The following STPG4 variants were observed in gnomAD, a reference collection of about 807,000 sequenced individuals.
STPG4 encodes protein STPG4.
Under a neutral mutation model 31.5 loss-of-function variants are expected in STPG4, and 41 were observed. The ratio of observed to expected loss-of-function variants is 1.30; its 90% CI spans 1.01 to 1.69. STPG4 has a LOEUF of 1.69. Among genes scored for constraint, STPG4 ranks in the 40% most tolerant of loss-of-function variants. The pLI is 0.00. For missense variants in STPG4, 375 were observed against 293.4 expected (o/e 1.28, Z -2.03); for synonymous variants, 141 against 103.0 (o/e 1.37, Z -2.24).
At position 47,151,401 on chromosome 2, in the gene STPG4, C is replaced by A. The variant is rs1381967158; in HGVS notation, c.256G>T (p.Val86Leu). The change falls in exon 3 of 7, where the codon GTG (valine) becomes TTG (leucine). Residue 86 changes from valine (V) to leucine (L), a missense_variant. By Grantham distance (32) the Val-to-Leu change is conservative. Transcript: ENST00000445927. ...TTTAGGACTGGATTGTTTCTTTGCA[C>A]AAGAGGTGGCTTTTTCCTTCCTTCG... ...KNEGRKKPPL[V>L]QRNNPVLNDL... 1 of 1,614,066 alleles carries A rather than the reference C, an allele frequency of 6.2e-7. No homozygotes were observed. The highest frequency in any genetic ancestry group is 1.3e-5 in the African/African-American group (1 of 74,922).
chr2:47,104,275 C>T (rs2347614), intron 5 of STPG4, among the ~76,000 whole-genome samples: 61,336 of 151,864 alleles, frequency 0.4, 14,895 homozygotes, highest in East Asian at 0.76. Context: ...GCATGAAGCT[C>T]ATAAAGGATT....
At chr2:47,107,658 A>G (rs1313433730) in intron 5 of STPG4, among the ~76,000 whole-genome samples, 1 of 152,144 alleles carries the variant, frequency 6.6e-6, no homozygotes, top group Non-Finnish European at 1.5e-5. Flanking sequence ...AGGGCTGAGG[A>G]GTGCGGGCAC....
At chr2:47,099,581 A>G (rs1404305825) in intron 5 of STPG4, among the ~76,000 whole-genome samples, 2 of 152,262 alleles carry the variant, frequency 1.3e-5, no homozygotes, top group Non-Finnish European at 2.9e-5. Context: ...CAGTCCTCAG[A>G]GCCCTCGCTC....
chr2:47,142,633 C>T (rs1686738102), intron 3 of STPG4, among the ~76,000 whole-genome samples: 1 of 152,104 alleles, frequency 6.6e-6, no homozygotes, highest in African/African-American at 2.4e-5. Flanking sequence ...CTAACCTCTA[C>T]TTTCCAAATG....
rs563484412 is a variant in STPG4 at position 47,099,739 on chromosome 2, C to T, written c.520-9365G>A. The stretch of plus-strand genomic sequence containing the variant: ...TTGCAGAGAGGTGTGGAGGGAGAGG[C>T]GCGAGTGGGAACCGGGGCTGCGCGT... On this transcript the variant is annotated intron_variant, in intron 5 of 6. Coordinates refer to ENST00000445927, the MANE Select transcript of STPG4 (RefSeq NM_001163561.2). Among the ~76,000 whole-genome samples, 9 of 152,334 alleles carry T rather than the reference C, an allele frequency of 5.9e-5. No homozygotes were observed. In the East Asian group the frequency reaches 1.4e-3, roughly 23 times the overall value.
chr2:47,152,242 G>C (rs1457140653), intron 2 of STPG4, among the ~76,000 whole-genome samples: 1 of 152,130 alleles, frequency 6.6e-6, no homozygotes, highest in Non-Finnish European at 1.5e-5. Flanking sequence ...GAAGCTGAAG[G>C]ATAATGACAT....
chr2:47,147,823 T>C (rs1010872489), intron 3 of STPG4, among the ~76,000 whole-genome samples: 1 of 152,194 alleles, frequency 6.6e-6, no homozygotes, highest in Non-Finnish European at 1.5e-5. Flanking sequence ...AATGTGAATA[T>C]ACTATTTATC....
At chr2:47,102,754 C>A (rs1685826635) in intron 5 of STPG4, among the ~76,000 whole-genome samples, 1 of 151,796 alleles carries the variant, frequency 6.6e-6, no homozygotes, top group Non-Finnish European at 1.5e-5. Context: ...TCGGTTATGT[C>A]CCCTTCAAGC....
chr2:47,097,452 G>A (rs1241733621), intron 5 of STPG4, among the ~76,000 whole-genome samples: 2 of 152,118 alleles, frequency 1.3e-5, no homozygotes, highest in Non-Finnish European at 2.9e-5. Context: ...GGGCCTTTGG[G>A]AGGTGATTAT....
At chr2:47,125,737 T>TA (rs1553427140) in intron 5 of STPG4, among the ~76,000 whole-genome samples, 1 of 151,880 alleles carries the variant, frequency 6.6e-6, no homozygotes, top group Admixed American at 6.6e-5. Context: ...TTTTTTTTTT[T>TA]AACTAGAGAC....
chr2:47,100,244 T>A (rs969765696), intron 5 of STPG4, among the ~76,000 whole-genome samples: 1 of 151,904 alleles, frequency 6.6e-6, no homozygotes, highest in Non-Finnish European at 1.5e-5. Flanking sequence ...TCAGGGATTG[T>A]AAATACACCA....
chr2:47,094,128 T>C (rs994548621), intron 5 of STPG4, among the ~76,000 whole-genome samples: 12 of 152,208 alleles, frequency 7.9e-5, no homozygotes, highest in African/African-American at 2.9e-4. Context: ...GGTCTCACAT[T>C]GTGTATGATA....
intron 5 of STPG4, among the ~76,000 whole-genome samples, chr2:47,091,838 A>G (rs1186464168): frequency 6.6e-6 from 1 of 152,100 alleles, no homozygotes; most frequent in East Asian, 1.9e-4. Flanking sequence ...AATGTGTGCA[A>G]ATATTTAGCC....
At chr2:47,115,675 C>T (rs148550090) in intron 5 of STPG4, among the ~76,000 whole-genome samples, 1,808 of 99,264 alleles carry the variant, frequency 0.018, 48 homozygotes, top group African/African-American at 0.062. Flanking sequence ...TTTTTTGAGA[C>T]AGAGTCTCGC....
rs1430919898 is a variant in STPG4 at position 47,151,296 on chromosome 2, G to C, written c.361C>G (p.Pro121Ala). Residue 121 changes from proline (P) to alanine (A), a missense_variant, in exon 3 of 7, where the codon CCA (proline) becomes GCA (alanine). Pro to Ala is a conservative substitution (Grantham distance 27, BLOSUM62 -1). Transcript: ENST00000445927. Reference sequence around the variant, plus strand: ...ACTAGTGTGCTGGGGCTTGGCCGTGGTTTGTCTTTGAATGAGTAAGTAGCC... The same window carrying C: ...ACTAGTGTGCTGGGGCTTGGCCGTGCTTTGTCTTTGAATGAGTAAGTAGCC... Reference protein sequence around the residue: ...QVATYSFKDKPRPSPSTLVDK... With the variant: ...QVATYSFKDKARPSPSTLVDK... 8 of 1,614,180 alleles carry C rather than the reference G, an allele frequency of 5.0e-6. No individual in the cohort carries two copies.
At chr2:47,116,640 C>A (rs904982077) in intron 5 of STPG4, among the ~76,000 whole-genome samples, 4 of 152,194 alleles carry the variant, frequency 2.6e-5, no homozygotes, top group Non-Finnish European at 5.9e-5. Context: ...GGTTCCTTTT[C>A]TTTCTCTCAG....
At chr2:47,153,778 G>GA (rs1686979466) in intron 1 of STPG4, among the ~76,000 whole-genome samples, 2 of 151,576 alleles carry the variant, frequency 1.3e-5, no homozygotes, top group Non-Finnish European at 2.9e-5. Context: ...CACCTCAGGG[G>GA]GAAAAAAAAG....
chr2:47,098,320 C>G (rs1391967301), intron 5 of STPG4, among the ~76,000 whole-genome samples: 1 of 152,200 alleles, frequency 6.6e-6, no homozygotes, highest in African/African-American at 2.4e-5. Context: ...TTTCATACAC[C>G]TACTTTCATT....
At chr2:47,122,829 T>C (rs950481282) in intron 5 of STPG4, among the ~76,000 whole-genome samples, 89 of 148,120 alleles carry the variant, frequency 6.0e-4, no homozygotes, top group Non-Finnish European at 1.2e-3. Flanking sequence ...TTGTTTTGTT[T>C]TTGTTTTTGT....
Sources: gnomAD v4.1 joint callset for allele counts (sites outside exome capture counted in the v4.1 genomes callset) on GRCh38, gnomAD v4.1.1 for gene constraint, MANE v1.5 for transcripts, NCBI Gene and HGNC (gene_info 2026-07-23, HGNC 2026-07-21) for gene names.